Variants in SHLD2 observed in about 807,000 individuals in gnomAD.
SHLD2 encodes RINN1-REV7-interacting novel NHEJ regulator 2.
In SHLD2, 30 loss-of-function variants were observed where a neutral mutation model predicts 73.2. That is an observed-to-expected ratio of 0.41 (90% CI 0.31 to 0.56). The LOEUF (loss-of-function observed/expected upper bound fraction) is 0.56. SHLD2 is among the 20% of genes least tolerant of loss of function. The probability of loss-of-function intolerance (pLI) is 0.28; values close to 1 mark genes in which losing one functional copy is unlikely to be tolerated. For missense variants in SHLD2, 745 were observed against 1,055.9 expected (o/e 0.71, Z 4.08); for synonymous variants, 285 against 370.1 (o/e 0.77, Z 2.64).
chr10:87,127,152 C>A (rs1336771992), intron 2 of SHLD2, among the ~76,000 whole-genome samples: 1 of 151,630 alleles, frequency 6.6e-6, no homozygotes, highest in Non-Finnish European at 1.5e-5. Flanking sequence ...GGGATCCCAA[C>A]TTTATTTCAT....
At chr10:87,136,384 C>T (rs1320818884) in intron 2 of SHLD2, among the ~76,000 whole-genome samples, 2 of 150,558 alleles carry the variant, frequency 1.3e-5, no homozygotes, top group Non-Finnish European at 2.9e-5. Flanking sequence ...CTGTCTCAAT[C>T]CTAGAATTAG....
At chr10:87,153,678 C>A (rs1196795809) in intron 3 of SHLD2, among the ~76,000 whole-genome samples, 3 of 152,000 alleles carry the variant, frequency 2.0e-5, no homozygotes, top group South Asian at 4.2e-4. Flanking sequence ...GTTTGTGAGA[C>A]CCTGTTTTAG....
intron 8 of SHLD2, among the ~76,000 whole-genome samples, chr10:87,182,148 C>G (rs1848353160): frequency 6.6e-6 from 1 of 152,192 alleles, no homozygotes; most frequent in South Asian, 2.1e-4. Context: ...AAACTCCCTT[C>G]AAGTTATCAA....
rs1368901099 is a variant in SHLD2, at chr10:87,113,966, A to G, written c.-6+16977A>G. Reference sequence around the variant, plus strand: ...GGTTGCAGTGAGCCAAGATCACACCACTGCCCTCCAGCATGGTCAACAGAA... The same window carrying G: ...GGTTGCAGTGAGCCAAGATCACACCGCTGCCCTCCAGCATGGTCAACAGAA... On this transcript the variant is annotated intron_variant, in intron 2 of 9. Coordinates refer to ENST00000298786, the MANE Select transcript of SHLD2 (RefSeq NM_001330112.2). 2.0e-5 allele frequency: 3 copies of G among 152,210 alleles called. No individual in the cohort carries two copies. The East Asian group carries it at 5.8e-4, about 29-fold the overall frequency. 9.4% of individuals were successfully genotyped at this position (152,210 alleles called of 1,614,324 possible). A position where few individuals can be genotyped will look rare whatever the true frequency, so the allele number is the denominator to read the frequency against.
intron 2 of SHLD2, among the ~76,000 whole-genome samples, chr10:87,099,300 C>T (rs1356769193): frequency 6.6e-6 from 1 of 152,102 alleles, no homozygotes; most frequent in Non-Finnish European, 1.5e-5. Context: ...AAAAACATAG[C>T]ATATAAATTC....
intron 8 of SHLD2, among the ~76,000 whole-genome samples, chr10:87,183,090 A>C (rs1339799075): frequency 2.0e-5 from 3 of 152,164 alleles, no homozygotes; most frequent in African/African-American, 7.2e-5. Flanking sequence ...TTTGGAGGGG[A>C]GATGATGGTG....
intron 2 of SHLD2, among the ~76,000 whole-genome samples, chr10:87,114,779 A>G (rs1299263266): frequency 6.6e-6 from 1 of 152,144 alleles, no homozygotes; most frequent in Non-Finnish European, 1.5e-5. Context: ...GGAAGAAATA[A>G]CAATAGCTAT....
chr10:87,140,627 A>G (rs1471664857), intron 2 of SHLD2, among the ~76,000 whole-genome samples: 1 of 151,754 alleles, frequency 6.6e-6, no homozygotes, highest in Non-Finnish European at 1.5e-5. Flanking sequence ...TCTCAGATCC[A>G]AGAAACTCAG....
chr10:87,152,524 A>G lies in SHLD2; in HGVS notation c.1170A>G (p.Glu390=). Residue 390 remains glutamate (E), a synonymous_variant, in exon 3 of 10, where the codon GAA becomes GAG. Transcript: ENST00000298786. ...CTGAAGATAAAGTGGGCCAGTCTGAAGCTCTATCTAGAGTCCTTCAAGTAG... is the reference window on the plus strand; with the variant it reads ...CTGAAGATAAAGTGGGCCAGTCTGAGGCTCTATCTAGAGTCCTTCAAGTAG... ...CTSEDKVGQS[E]ALSRVLQVAK... is the part of the protein sequence containing the mutation. The G allele has an allele frequency of 6.2e-7, 1 of 1,611,976 alleles. No homozygotes were observed. Among genetic ancestry groups the G allele is most frequent in the Admixed American group, 1.7e-5 (1 of 60,014 alleles).
At chr10:87,186,199 GTCA>G in intron 8 of SHLD2, among the ~76,000 whole-genome samples, 1 of 152,190 alleles carries the variant, frequency 6.6e-6, no homozygotes, top group East Asian at 1.9e-4. Flanking sequence ...GGAACATAGA[GTCA>G]TCGTGTGAAT....
At chr10:87,187,884 C>T (rs1221077552) in intron 9 of SHLD2, among the ~76,000 whole-genome samples, 1 of 152,104 alleles carries the variant, frequency 6.6e-6, no homozygotes, top group African/African-American at 2.4e-5. Context: ...TCAGTCTTGT[C>T]ATAAGTTGAG....
At chr10:87,156,754 T>G (rs1356621395) in intron 3 of SHLD2, among the ~76,000 whole-genome samples, 2 of 152,170 alleles carry the variant, frequency 1.3e-5, no homozygotes, top group Non-Finnish European at 2.9e-5. Flanking sequence ...CTGAAGAACA[T>G]GCATCCTGAA....
chr10:87,170,885 T>C lies in SHLD2; in HGVS notation c.1874T>C (p.Leu625Ser), dbSNP rs1322027480. ...GGACAGAAGCAGAAAAAAGTTATGT[T>C]AACAGTGGAACAGGCCCAAGATCAA... ...YRGQKQKKVM[L>S]TVEQAQDQHY... Residue 625 changes from leucine to serine, a missense_variant, in exon 6 of 10, where the codon TTA becomes TCA. By Grantham distance (145) the Leu-to-Ser change is moderately radical. Coordinates refer to ENST00000298786, the MANE Select transcript of SHLD2 (RefSeq NM_001330112.2). 5 of 1,610,138 alleles carry C rather than the reference T, an allele frequency of 3.1e-6. No individual in the cohort carries two copies. In the East Asian group the frequency reaches 1.1e-4, roughly 36 times the overall value.
At chr10:87,147,932 A>T (rs1189124717) in intron 2 of SHLD2, among the ~76,000 whole-genome samples, 1 of 150,130 alleles carries the variant, frequency 6.7e-6, no homozygotes, top group African/African-American at 2.5e-5. Flanking sequence ...ATCTCAGCTC[A>T]CTGTAACTTC....
intron 2 of SHLD2, among the ~76,000 whole-genome samples, chr10:87,102,450 G>A (rs1192873992): frequency 1.3e-5 from 2 of 152,180 alleles, no homozygotes; most frequent in Non-Finnish European, 2.9e-5. Flanking sequence ...GCTCACGCCT[G>A]TAATCCTAGC....
chr10:87,163,342 G>A (rs889021258), intron 4 of SHLD2, among the ~76,000 whole-genome samples: 10 of 152,164 alleles, frequency 6.6e-5, no homozygotes, highest in Non-Finnish European at 1.3e-4. Context: ...CCTACAGGGG[G>A]CACATAGGAG....
At chr10:87,179,568 A>T (rs892529316) in intron 7 of SHLD2, among the ~76,000 whole-genome samples, 18 of 151,996 alleles carry the variant, frequency 1.2e-4, no homozygotes, top group African/African-American at 4.1e-4. Flanking sequence ...CGCCTGGCTA[A>T]TTTTTTGTAT....
chr10:87,171,912 T>C (rs950693810), intron 6 of SHLD2, among the ~76,000 whole-genome samples: 1 of 152,178 alleles, frequency 6.6e-6, no homozygotes, highest in Non-Finnish European at 1.5e-5. Flanking sequence ...TTGACCACCA[T>C]AGCCTGGCTG....
intron 2 of SHLD2, among the ~76,000 whole-genome samples, chr10:87,122,691 C>T (rs1295138563): frequency 2.0e-5 from 3 of 152,196 alleles, no homozygotes; most frequent in Admixed American, 1.3e-4. Context: ...CAAGGATTGA[C>T]ACTATAGTAA....
Sources: gnomAD v4.1 joint callset for allele counts (sites outside exome capture counted in the v4.1 genomes callset) on GRCh38, gnomAD v4.1.1 for gene constraint, MANE v1.5 for transcripts, NCBI Gene and HGNC (gene_info 2026-07-23, HGNC 2026-07-21) for gene names.